HDAC3: variants seen among roughly 807,000 people sequenced by gnomAD.
HDAC3 encodes SMAP45.
In HDAC3, 21 loss-of-function variants were observed where a neutral mutation model predicts 62.3. The ratio of observed to expected loss-of-function variants is 0.34; its 90% CI spans 0.24 to 0.49. The LOEUF is 0.49. Ranked by LOEUF, HDAC3 falls within the 20% of genes least tolerant of loss-of-function variation. The pLI is 0.99. For synonymous variants in HDAC3, 198 were observed against 206.5 expected (o/e 0.96, Z 0.35); for missense variants, 270 against 556.9 (o/e 0.48, Z 5.19).
Position 141,627,908 on chromosome 5 carries a change from C to G in HDAC3, c.815G>C (p.Ser272Thr). The G allele has an allele frequency of 6.2e-7, 1 of 1,614,166 alleles. No homozygotes were observed. The highest frequency in any genetic ancestry group is 8.5e-7 in the Non-Finnish European group (1 of 1,180,028). ...GCDRLGCFNL[S>T]IRGHGECVEY... Reference sequence around the variant, plus strand: ...CAAGTCTCACCCATGCCCTCGGATGCTGAGGTTAAAGCAGCCCAATCGATC... The same window carrying G: ...CAAGTCTCACCCATGCCCTCGGATGGTGAGGTTAAAGCAGCCCAATCGATC... The change falls in exon 10 of 15, where the codon AGC becomes ACC. Residue 272 changes from serine (S) to threonine (T), a missense_variant. Physicochemically the swap from Ser to Thr is moderately conservative, Grantham distance 58. Around this residue, in one of 5 missense-constraint regions of HDAC3, gnomAD observed 156 missense variants for 383.9 expected, o/e 0.41. Transcript: ENST00000305264.
At chr5:141,621,811 A>T (rs547637401) in intron 14 of HDAC3, among the ~76,000 whole-genome samples, 1 of 152,378 alleles carries the variant, frequency 6.6e-6, no homozygotes, top group East Asian at 1.9e-4. Context: ...ACTAGTAACT[A>T]ACAAAGTAAA....
chr5:141,623,199 C>T (rs1419751118), intron 14 of HDAC3, among the ~76,000 whole-genome samples: 1 of 152,150 alleles, frequency 6.6e-6, no homozygotes, highest in Non-Finnish European at 1.5e-5. Flanking sequence ...AAAATAAGAG[C>T]CATCAGAGTT....
chr5:141,632,990 T>C lies in HDAC3; in HGVS notation c.281+1821A>G, dbSNP rs2099905447. ...TCATGCCCCCTCCAATGACCAGTTA[T>C]GTGACTACGGCTAAGTTACCTAGAT... On this transcript the variant is annotated intron_variant, in intron 3 of 14. Coordinates refer to ENST00000305264, the MANE Select transcript of HDAC3 (RefSeq NM_003883.4). Among the ~76,000 whole-genome samples the C allele has an allele frequency of 1.3e-5, 2 of 152,220 alleles. 1 individual carries two copies. The highest frequency in any genetic ancestry group is 1.3e-4 in the Admixed American group (2 of 15,282).
intron 14 of HDAC3, among the ~76,000 whole-genome samples, chr5:141,622,396 G>C (rs1469242798): frequency 6.6e-6 from 1 of 152,042 alleles, no homozygotes; most frequent in South Asian, 2.1e-4. Context: ...ACAAGGTCAA[G>C]AGATCAAGAC....
chr5:141,623,718 A>T (rs1203087564), intron 14 of HDAC3, among the ~76,000 whole-genome samples: 1 of 152,090 alleles, frequency 6.6e-6, no homozygotes, highest in Non-Finnish European at 1.5e-5. Context: ...AGAGATTCGG[A>T]GGCCTGAATT....
intron 2 of HDAC3, chr5:141,635,210 C>T (rs530821128): frequency 5.1e-6 from 2 of 392,974 alleles, no homozygotes; most frequent in African/African-American, 4.1e-5. Context: ...CCCTGATCCA[C>T]CTGCCCTGTT....
rs75768068 is a variant in HDAC3 at position 141,624,825 on chromosome 5, G to A, written c.1217+383C>T. 239 of 168,302 alleles carry A rather than the reference G, an allele frequency of 1.4e-3. 8 individuals are homozygous for A. The East Asian group carries it at 0.039, about 27-fold the overall frequency. 10.4% of individuals were successfully genotyped at this position (168,302 alleles called of 1,614,324 possible). On this transcript the variant is annotated intron_variant, in intron 14 of 14. Coordinates refer to ENST00000305264, the MANE Select transcript of HDAC3 (RefSeq NM_003883.4). Reference sequence around the variant, plus strand: ...CAGCATACGTAGAATGACCCTATTTGTATTTACGAAAAACCAAAAACCACA... The same window carrying A: ...CAGCATACGTAGAATGACCCTATTTATATTTACGAAAAACCAAAAACCACA...
chr5:141,629,964 G>A lies in HDAC3; in HGVS notation c.364-48C>T, dbSNP rs1219765973. 6.2e-7 allele frequency: 1 copy of A among 1,612,926 alleles called. No individual in the cohort carries two copies. Among genetic ancestry groups the A allele is most frequent in the South Asian group, 1.1e-5 (1 of 91,066 alleles). ...ACAGTCCTTCCTGCCCACCCCTCAA[G>A]CTGGGAGCCCAGGATCAGGGTTAAA... On this transcript the variant is annotated intron_variant, in intron 4 of 14. Transcript: ENST00000305264. The surrounding 1 kb of genome is among the most constrained non-coding windows in gnomAD (Gnocchi z 5.3).
rs923311386 is a variant in HDAC3, at chr5:141,629,374, G to A, written c.477-68C>T. The A allele has an allele frequency of 1.7e-5, 27 of 1,602,706 alleles. No individual in the cohort carries two copies. Among genetic ancestry groups the A allele is most frequent in the African/African-American group, 4.0e-5 (3 of 74,626 alleles). On this transcript the variant is annotated intron_variant, in intron 6 of 14. Transcript: ENST00000305264. This position sits in a 1 kb window ranked among gnomAD's most constrained non-coding sequence, Gnocchi z 5.3. ...CCCCAACCCACTCCTCTCAAACACC[G>A]GGTCTCGAATTGTGAAGAGTCTGCT...
At chr5:141,632,869 C>A (rs1002104948) in intron 3 of HDAC3, among the ~76,000 whole-genome samples, 103 of 152,150 alleles carry the variant, frequency 6.8e-4, no homozygotes. Flanking sequence ...CCAATGCCAG[C>A]CTAATGAGTT....
At chr5:141,623,161 A>G (rs1401412278) in intron 14 of HDAC3, among the ~76,000 whole-genome samples, 1 of 152,162 alleles carries the variant, frequency 6.6e-6, no homozygotes, top group Non-Finnish European at 1.5e-5. Flanking sequence ...AGACTCTCTG[A>G]GCCTTAGATT....
intron 14 of HDAC3, among the ~76,000 whole-genome samples, chr5:141,622,722 T>C (rs1208223045): frequency 6.6e-6 from 1 of 152,228 alleles, no homozygotes; most frequent in Non-Finnish European, 1.5e-5. Context: ...GAGCAATGTC[T>C]CAGTTACTTC....
Position 141,629,380 on chromosome 5 carries a change from C to T in HDAC3, c.477-74G>A, listed in dbSNP as rs1352731965. 8 of 1,597,864 alleles carry T rather than the reference C, an allele frequency of 5.0e-6. No individual in the cohort carries two copies. The highest frequency in any genetic ancestry group is 2.2e-5 in the South Asian group (2 of 90,102). ...CCCACTCCTCTCAAACACCGGGTCT[C>T]GAATTGTGAAGAGTCTGCTTCTGCC... is the stretch of plus-strand genomic sequence containing the variant. On this transcript the variant is annotated intron_variant, in intron 6 of 14. Coordinates refer to ENST00000305264, the MANE Select transcript of HDAC3 (RefSeq NM_003883.4). The surrounding 1 kb of genome is among the most constrained non-coding windows in gnomAD (Gnocchi z 5.3).
intron 3 of HDAC3, among the ~76,000 whole-genome samples, chr5:141,630,394 C>A (rs567141769): frequency 6.6e-6 from 1 of 152,222 alleles, no homozygotes; most frequent in Non-Finnish European, 1.5e-5. Context: ...AAGCAGCTTC[C>A]AGGTACTCAA....
chr5:141,630,575 A>C (rs1274562701), intron 3 of HDAC3, among the ~76,000 whole-genome samples: 1 of 152,242 alleles, frequency 6.6e-6, no homozygotes, highest in Non-Finnish European at 1.5e-5. Flanking sequence ...ACCCACGAAA[A>C]GCCTGTAGCA....
intron 14 of HDAC3, among the ~76,000 whole-genome samples, chr5:141,621,912 G>C (rs1036250195): frequency 1.3e-5 from 2 of 152,224 alleles, no homozygotes; most frequent in Non-Finnish European, 2.9e-5. Context: ...TGAAATTTCA[G>C]ACAGGACTAT....
At chr5:141,624,311 G>T (rs1362667925) in intron 14 of HDAC3, among the ~76,000 whole-genome samples, 1 of 131,034 alleles carries the variant, frequency 7.6e-6, no homozygotes, top group Non-Finnish European at 1.5e-5. Context: ...TGGGGCAGGA[G>T]GACATTTGAG....
chr5:141,625,542 TG>T lies in HDAC3; in HGVS notation c.1059+142del. ...AACCCCAACTGCCTCTACTTTAAAC[TG>T]GACTGCCTCCTAGTCAATAACAGTG... On this transcript the variant is annotated intron_variant, in intron 13 of 14. Coordinates refer to ENST00000305264, the MANE Select transcript of HDAC3 (RefSeq NM_003883.4). The surrounding 1 kb of genome is among the most constrained non-coding windows in gnomAD (Gnocchi z 4.0). The T allele has an allele frequency of 9.3e-7, 1 of 1,076,554 alleles. No homozygotes were observed. Among genetic ancestry groups the T allele is most frequent in the Non-Finnish European group, 1.4e-6 (1 of 713,918 alleles). The allele number at this position is 1,076,554 out of a possible 1,614,324, so 66.7% of individuals were successfully genotyped here.
At position 141,625,192 on chromosome 5, in the gene HDAC3, G is replaced by A. The variant is rs1343754597; in HGVS notation, c.1217+16C>T. 1.3e-6 allele frequency: 2 copies of A among 1,586,718 alleles called. No individual in the cohort carries two copies. The highest frequency in any genetic ancestry group is 2.7e-5 in the African/African-American group (2 of 73,350). ...GCAAGCCTATTGAAAGTAGGCTGAA[G>A]TCCCTGCTCCCAGACCTGCTATAGT... On this transcript the variant is annotated intron_variant, in intron 14 of 14. Transcript: ENST00000305264. The surrounding 1 kb of genome is among the most constrained non-coding windows in gnomAD (Gnocchi z 4.0).
Sources: gnomAD v4.1 joint callset for allele counts (sites outside exome capture counted in the v4.1 genomes callset) on GRCh38, gnomAD v4.1.1 for gene constraint, gnomAD v4.1.1 regional missense constraint, Gnocchi (gnomAD v3.1) non-coding constraint, MANE v1.5 for transcripts, NCBI Gene and HGNC (gene_info 2026-07-23, HGNC 2026-07-21) for gene names.